Variants in TRIP12 observed in about 807,000 individuals in gnomAD.
TRIP12 encodes the protein E3 ubiquitin-protein ligase TRIP12.
Under a neutral mutation model 244.2 loss-of-function variants are expected in TRIP12, and 25 were observed. That is an observed-to-expected ratio of 0.10 (90% confidence interval 0.07 to 0.14). The LOEUF (loss-of-function observed/expected upper bound fraction) is 0.14, where lower values mean the gene tolerates loss of function less well. TRIP12 is among the 10% of genes least tolerant of loss of function. The pLI is 1.00. For synonymous variants in TRIP12, 905 were observed against 873.1 expected (o/e 1.04, Z -0.64); for missense variants, 1,677 against 2,486.4 (o/e 0.67, Z 6.92).
rs762410896 is a variant in TRIP12, at chr2:229,804,266, T to TGACA, written c.2651-43_2651-40dup. ...AAAAAATATATGTGCAATCCTGAAGTGACAGACTTCAGAAACACAATAAAC... is the reference window on the plus strand; with the variant it reads ...AAAAAATATATGTGCAATCCTGAAGTGACAGACAGACTTCAGAAACACAATAAAC... On this transcript the variant is annotated intron_variant, in intron 18 of 41. Coordinates refer to ENST00000675903, the MANE Select transcript of TRIP12 (RefSeq NM_001348323.3). 10 of 1,496,154 alleles carry TGACA rather than the reference T, an allele frequency of 6.7e-6. No homozygotes were observed. In the African/African-American group the frequency reaches 1.4e-4, roughly 21 times the overall value. The allele number at this position is 1,496,154 out of a possible 1,614,324, so 92.7% of individuals were successfully genotyped here.
At chr2:229,857,309 A>G (rs2059753852) in intron 4 of TRIP12, among the ~76,000 whole-genome samples, 1 of 152,106 alleles carries the variant, frequency 6.6e-6, no homozygotes, top group Admixed American at 6.5e-5. Flanking sequence ...TTATTATCCT[A>G]TTTGTCCTTT....
At chr2:229,854,180 T>C (rs1324376373) in intron 4 of TRIP12, among the ~76,000 whole-genome samples, 1 of 152,214 alleles carries the variant, frequency 6.6e-6, no homozygotes, top group Non-Finnish European at 1.5e-5. Flanking sequence ...AGGTAATTTA[T>C]CATCCTTCAT....
intron 34 of TRIP12, among the ~76,000 whole-genome samples, chr2:229,783,705 T>A (rs1432818860): frequency 1.3e-5 from 2 of 151,618 alleles, no homozygotes; most frequent in East Asian, 3.9e-4. Flanking sequence ...CTGATCTAAA[T>A]TGAAAGAAAT....
chr2:229,920,106 AG>A (rs1420314844), intron 1 of TRIP12, among the ~76,000 whole-genome samples: 1 of 152,188 alleles, frequency 6.6e-6, no homozygotes, highest in African/African-American at 2.4e-5. Flanking sequence ...CCTCATATAC[AG>A]GCCTCTTGCC....
chr2:229,910,741 G>C (rs1317301240), intron 1 of TRIP12, among the ~76,000 whole-genome samples: 4 of 152,094 alleles, frequency 2.6e-5, no homozygotes, highest in Non-Finnish European at 1.5e-5. Flanking sequence ...CAACTGGAAA[G>C]GCAACACTTT....
chr2:229,922,912 A>G (rs2076804314), upstream of TRIP12, among the ~76,000 whole-genome samples: 1 of 152,142 alleles, frequency 6.6e-6, no homozygotes, highest in Non-Finnish European at 1.5e-5. Context: ...GAAGAGGAAA[A>G]CGGGCGTCTC....
At chr2:229,789,506 C>T (rs2040897894) in intron 31 of TRIP12, 105 bp downstream of exon 31, 1 of 1,392,468 alleles carries the variant, frequency 7.2e-7, no homozygotes, top group Admixed American at 2.1e-5. Context: ...CTTTACTGGG[C>T]TAGGAGCCCT....
intron 1 of TRIP12, among the ~76,000 whole-genome samples, chr2:229,882,033 T>C (rs555193148): frequency 6.6e-6 from 1 of 152,362 alleles, no homozygotes; most frequent in East Asian, 1.9e-4. Context: ...AGTTCAATTC[T>C]GGACTCTAAC....
intron 18 of TRIP12, 102 bp downstream of exon 18, chr2:229,805,628 C>T (rs1421383415): frequency 1.7e-6 from 2 of 1,197,656 alleles, no homozygotes; most frequent in East Asian, 2.5e-5. Flanking sequence ...ATGCAATTGT[C>T]TTAAGCTTAA....
intron 37 of TRIP12, among the ~76,000 whole-genome samples, chr2:229,776,766 T>A (rs2036391925): frequency 6.6e-6 from 1 of 152,184 alleles, no homozygotes; most frequent in Non-Finnish European, 1.5e-5. Flanking sequence ...TCAGATTGAG[T>A]TAAATAATTT....
At chr2:229,813,384 T>C (rs966772637) in intron 13 of TRIP12, among the ~76,000 whole-genome samples, 1 of 152,042 alleles carries the variant, frequency 6.6e-6, no homozygotes, top group African/African-American at 2.4e-5. Flanking sequence ...TACCAAAATT[T>C]TATAAAATAA....
chr2:229,771,083 TATA>T (rs1464204165), intron 39 of TRIP12, among the ~76,000 whole-genome samples: 1 of 152,270 alleles, frequency 6.6e-6, no homozygotes, highest in African/African-American at 2.4e-5. Flanking sequence ...TTAGATAATT[TATA>T]ATACTTTCTT....
Position 229,779,007 on chromosome 2 carries a change from G to C in TRIP12, c.5095-17C>G. 6.3e-7 allele frequency: 1 copy of C among 1,599,748 alleles called. No homozygotes were observed. Among genetic ancestry groups the C allele is most frequent in the Non-Finnish European group, 8.6e-7 (1 of 1,168,844 alleles). ...TGTACCAACCTACAGAAGAACACAA[G>C]TAGAACGATTTCAAATTTTAAGAAT... On this transcript the variant is annotated splice_polypyrimidine_tract_variant and intron_variant, in intron 34 of 41. Coordinates refer to ENST00000675903, the MANE Select transcript of TRIP12 (RefSeq NM_001348323.3).
chr2:229,788,767 A>C, intron 32 of TRIP12, 31 bp downstream of exon 32: 1 of 1,601,078 alleles, frequency 6.2e-7, no homozygotes, highest in East Asian at 2.2e-5. Context: ...TAACATTTCC[A>C]AGGCCACCAT....
At chr2:229,843,729 A>C (rs1445237641) in intron 4 of TRIP12, among the ~76,000 whole-genome samples, 2 of 152,170 alleles carry the variant, frequency 1.3e-5, no homozygotes, top group Non-Finnish European at 2.9e-5. Flanking sequence ...AAAAATAAAT[A>C]AATAAAAATA....
intron 26 of TRIP12, 173 bp from the exon 27 acceptor site, chr2:229,793,318 A>T (rs1467380598): frequency 5.1e-6 from 3 of 582,922 alleles, no homozygotes; most frequent in Non-Finnish European, 8.2e-6. Context: ...ATTTAGAAAA[A>T]ATTTTTATAC....
At chr2:229,796,920 T>C (rs936833551) in intron 24 of TRIP12, 138 bp from the exon 25 acceptor site, 13 of 603,340 alleles carry the variant, frequency 2.2e-5, no homozygotes, top group Non-Finnish European at 3.4e-5. Flanking sequence ...ACAGTCTTAG[T>C]AAATCCTTGG....
intron 2 of TRIP12, among the ~76,000 whole-genome samples, chr2:229,864,077 T>TGTGTGTGTGTGTGTGTGCGC (rs887815926): frequency 7.1e-6 from 1 of 140,548 alleles, no homozygotes; most frequent in African/African-American, 2.6e-5. Context: ...TGTGTGTGTG[T>TGTGTGTGTGTGTGTGTGCGC]GCACGCGCAC....
chr2:229,873,493 T>C (rs542266782), intron 2 of TRIP12, among the ~76,000 whole-genome samples: 32 of 152,308 alleles, frequency 2.1e-4, no homozygotes, highest in African/African-American at 7.2e-4. Context: ...AAGATCACAA[T>C]GACATGGGCA....
Sources: gnomAD v4.1 joint callset for allele counts (sites outside exome capture counted in the v4.1 genomes callset) on GRCh38, gnomAD v4.1.1 for gene constraint, MANE v1.5 for transcripts, NCBI Gene and HGNC (gene_info 2026-07-23, HGNC 2026-07-21) for gene names.